Variants in RHPN1 observed in about 807,000 individuals in gnomAD.
The protein encoded by RHPN1 is rhophilin Rho GTPase binding protein 1, also known as rhophilin-1.
Under a neutral mutation model 74.7 loss-of-function variants are expected in RHPN1, and 77 were observed. The observed-to-expected ratio is 1.03, with a 90% confidence interval of 0.86 to 1.25. The LOEUF is 1.25. RHPN1 is among the 50% of genes most tolerant of loss of function. The pLI is 0.00. For synonymous variants in RHPN1, 444 were observed against 414.5 expected (o/e 1.07, Z -0.87); for missense variants, 987 against 932.2 (o/e 1.06, Z -0.77).
intron 2 of RHPN1, 54 bp from the exon 3 acceptor site, chr8:143,376,471 G>T: frequency 1.3e-6 from 2 of 1,599,014 alleles, no homozygotes; most frequent in Non-Finnish European, 1.7e-6. Context: ...AGTGGGCACG[G>T]GGCCTTTGGC....
At chr8:143,366,244 G>A (rs754978405), upstream of RHPN1, among the ~76,000 whole-genome samples, 7 of 151,970 alleles carry the variant, frequency 4.6e-5, no homozygotes, top group Admixed American at 1.3e-4. Flanking sequence ...TGCCCCTCCC[G>A]CCGCTGTCCA....
At position 143,376,581 on chromosome 8, in the gene RHPN1, A is replaced by G. The variant is rs761094411; in HGVS notation, c.233A>G (p.Asn78Ser). The G allele has an allele frequency of 4.3e-6, 7 of 1,609,436 alleles. No homozygotes were observed. Among genetic ancestry groups the G allele is most frequent in the East Asian group, 2.2e-5 (1 of 44,730 alleles). Residue 78 changes from asparagine (N) to serine (S), a missense_variant, in exon 3 of 15, where the codon AAC becomes AGC. Physicochemically the swap from Asn to Ser is conservative, Grantham distance 46. Transcript: ENST00000289013. ...GTCGCCCTGGAGCTGAGCTACGTCA[A>G]CTCCAACCTGCAGCTGCTGAAGGAG... ...ETVALELSYV[N>S]SNLQLLKEEL...
rs770112103 is a variant in RHPN1, at chr8:143,378,271, G to A, written c.384G>A (p.Glu128=). ...KELDWSTPLK[E]LISVHFGEDG... is the part of the protein sequence containing the mutation. ...TGCCAACACCTGCCCCCCATCAGGA[G>A]CTGATCTCAGTGCACTTTGGAGAGG... is the stretch of plus-strand genomic sequence containing the variant. Residue 128 remains glutamate (E), a splice_region_variant and synonymous_variant, in exon 5 of 15, where the codon GAG becomes GAA. Transcript: ENST00000289013. The A allele has an allele frequency of 1.3e-5, 21 of 1,570,580 alleles. 2 individuals carry two copies. In the Middle Eastern group the frequency reaches 6.7e-4, roughly 50 times the overall value.
Position 143,381,935 on chromosome 8 carries a change from G to A in RHPN1, c.1764G>A (p.Val588=). ...AGGCGGGCGCCAGCCTGCAGGTGGT[G>A]TCGCTGCTGCCCAGCTCTAGACTGC... ...AGEAGASLQV[V]SLLPSSRLPS... Residue 588 remains valine (V), a synonymous_variant, in exon 14 of 15, where the codon GTG becomes GTA. Transcript: ENST00000289013. The A allele has an allele frequency of 1.9e-6, 3 of 1,608,870 alleles. No individual in the cohort carries two copies. Among genetic ancestry groups the A allele is most frequent in the Non-Finnish European group, 2.5e-6 (3 of 1,178,346 alleles).
intron 4 of RHPN1, among the ~76,000 whole-genome samples, chr8:143,377,842 G>C (rs930762389): frequency 6.6e-6 from 1 of 152,214 alleles, no homozygotes; most frequent in African/African-American, 2.4e-5. Flanking sequence ...GAGGGTCCTG[G>C]GGAGAGCTAG....
chr8:143,376,353 C>G (rs1329237584), intron 2 of RHPN1, among the ~76,000 whole-genome samples, 172 bp from the exon 3 acceptor site: 1 of 152,224 alleles, frequency 6.6e-6, no homozygotes, highest in African/African-American at 2.4e-5. Flanking sequence ...TGTGAGCCCC[C>G]GGATCCCACT....
rs751834539 is a variant in RHPN1 at position 143,381,803 on chromosome 8, A to C, written c.1636-4A>C. On this transcript the variant is annotated splice_polypyrimidine_tract_variant and splice_region_variant and intron_variant, in intron 13 of 14. Coordinates refer to ENST00000289013, the MANE Select transcript of RHPN1 (RefSeq NM_052924.3). ...CCCACCTCACCGTCCAAGTCTCCCC[A>C]CAGGCGGCTGGCCTGAAGGAGGGCG... 6.2e-7 allele frequency: 1 copy of C among 1,611,736 alleles called. No individual in the cohort carries two copies. The highest frequency in any genetic ancestry group is 8.5e-7 in the Non-Finnish European group (1 of 1,179,274).
chr8:143,380,466 C>T lies in RHPN1; in HGVS notation c.1217-123C>T, dbSNP rs150023627. Reference sequence around the variant, plus strand: ...CACAGCCAGCTCCTCACCCCCGTGGCGCGCACCCCCAACGAAAGTGGCTGT... The same window carrying T: ...CACAGCCAGCTCCTCACCCCCGTGGTGCGCACCCCCAACGAAAGTGGCTGT... On this transcript the variant is annotated intron_variant, in intron 10 of 14. Transcript: ENST00000289013. The T allele has an allele frequency of 5.5e-3, 4,995 of 902,396 alleles. 14 individuals are homozygous for T. The highest frequency in any genetic ancestry group is 6.5e-3 in the Admixed American group (216 of 33,012). 55.9% of individuals were successfully genotyped at this position (902,396 alleles called of 1,614,324 possible).
rs1817694193 is a variant in RHPN1, at chr8:143,369,636, TG to T, written c.60+592del. Among the ~76,000 whole-genome samples, 3 of 152,168 alleles carry T rather than the reference TG, an allele frequency of 2.0e-5. No individual in the cohort carries two copies. The South Asian group carries it at 6.2e-4, about 31-fold the overall frequency. On this transcript the variant is annotated intron_variant, in intron 1 of 14. Transcript: ENST00000289013. ...TGTGGAGACCTGCTGAGTCTGTGCC[TG>T]GGAAGGAGGGGACGTCTGTGGGCCT...
intron 14 of RHPN1, 49 bp from the exon 15 acceptor site, chr8:143,382,387 G>A (rs1310678051): frequency 6.7e-7 from 1 of 1,502,096 alleles, no homozygotes; most frequent in South Asian, 1.2e-5. Flanking sequence ...CTGCAGGTGG[G>A]GACAGGCCAG....
In RHPN1 at chr8:143,380,136, C is replaced by G; in HGVS notation, c.1177C>G (p.Pro393Ala). Residue 393 changes from proline (P) to alanine (A), a missense_variant, in exon 10 of 15, where the codon CCT (proline) becomes GCT (alanine). By Grantham distance (27) the Pro-to-Ala change is conservative. Coordinates refer to ENST00000289013, the MANE Select transcript of RHPN1 (RefSeq NM_052924.3). The stretch of plus-strand genomic sequence containing the variant: ...CCCCACCTCCTCTAAGCCCCGAGGC[C>G]CTGTGCTGCCGCAGGAGCTGGAGGA... ...QPPTSSKPRGPVLPQELEERR... is the reference protein window; with the variant it reads ...QPPTSSKPRGAVLPQELEERR... 2 of 1,549,528 alleles carry G rather than the reference C, an allele frequency of 1.3e-6. No individual in the cohort carries two copies. Among genetic ancestry groups the G allele is most frequent in the Non-Finnish European group, 1.7e-6 (2 of 1,147,808 alleles).
Position 143,382,546 on chromosome 8 carries a change from C to T in RHPN1, c.1908C>T (p.Asn636=). Residue 636 remains asparagine, a synonymous_variant, in exon 15 of 15, where the codon AAC becomes AAT. Transcript: ENST00000289013. ...STWASPRPLL[N]WSRKAQQGKT... ...GGGCCAGTCCCCGGCCCCTCCTCAA[C>T]TGGAGCCGAAAGGCCCAGCAGGGCA... The T allele has an allele frequency of 6.2e-7, 1 of 1,611,616 alleles. No homozygotes were observed. The highest frequency in any genetic ancestry group is 8.5e-7 in the Non-Finnish European group (1 of 1,179,590).
Position 143,382,608 on chromosome 8 carries a change from A to G in RHPN1, c.1970A>G (p.Lys657Arg). ...TGCCCCCAGCCCTGTGCCCCAGTGA[A>G]GCCAGCTCCGCCCTCATCCTTGAAG... ...GGCPQPCAPV[K>R]PAPPSSLKHP... The change falls in exon 15 of 15, where the codon AAG becomes AGG. Residue 657 changes from lysine (K) to arginine (R), a missense_variant. Transcript: ENST00000289013. 6.2e-7 allele frequency: 1 copy of G among 1,610,886 alleles called. No homozygotes were observed. The highest frequency in any genetic ancestry group is 1.3e-5 in the African/African-American group (1 of 74,972).
At chr8:143,381,759 C>T in intron 13 of RHPN1, 41 bp downstream of exon 13, 1 of 1,605,214 alleles carries the variant, frequency 6.2e-7, no homozygotes, top group Non-Finnish European at 8.5e-7. Context: ...GTCCTTGGTG[C>T]CAGCCAGGGT....
At chr8:143,378,447 A>G in intron 5 of RHPN1, 101 bp downstream of exon 5, 1 of 1,093,872 alleles carries the variant, frequency 9.1e-7, no homozygotes, top group Admixed American at 2.0e-5. Context: ...CAGCGTAGAC[A>G]TCTCGAGGAC....
In RHPN1 at chr8:143,379,342, T is replaced by A. The variant is rs1030581688; in HGVS notation, c.779T>A (p.Phe260Tyr). The A allele has an allele frequency of 6.3e-7, 1 of 1,598,816 alleles. No homozygotes were observed. The highest frequency in any genetic ancestry group is 8.5e-7 in the Non-Finnish European group (1 of 1,171,348). ...AGAFSLLREN[F>Y]SHAPSPDMSA... ...GCCTTCAGCCTCCTGAGGGAGAACT[T>A]CTCCCATGCGCCGAGCCCAGACATG... Residue 260 changes from phenylalanine (F) to tyrosine (Y), a missense_variant, in exon 8 of 15, where the codon TTC becomes TAC. Physicochemically the swap from Phe to Tyr is conservative, Grantham distance 22 (BLOSUM62 3). Transcript: ENST00000289013.
chr8:143,367,814 C>T (rs950738608), upstream of RHPN1: 4 of 152,394 alleles, frequency 2.6e-5, no homozygotes, highest in East Asian at 7.7e-4. Context: ...GTGCCCTGGC[C>T]TTCCTGCTCT....
intron 1 of RHPN1, among the ~76,000 whole-genome samples, chr8:143,370,090 C>A (rs1164592622): frequency 6.6e-6 from 1 of 152,236 alleles, no homozygotes; most frequent in Non-Finnish European, 1.5e-5. Context: ...GGCGGCCATG[C>A]CTGCAGGTGG....
intron 9 of RHPN1, 27 bp downstream of exon 9, chr8:143,380,012 G>A: frequency 1.9e-6 from 3 of 1,551,662 alleles, no homozygotes; most frequent in Middle Eastern, 1.7e-4. Context: ...CTTGCCCATG[G>A]TACTGCCAAG....
Sources: allele counts gnomAD v4.1 joint callset (sites outside exome capture counted in the v4.1 genomes callset), GRCh38; gene constraint gnomAD v4.1.1; transcripts MANE v1.5; gene names NCBI Gene and HGNC (gene_info 2026-07-23, HGNC 2026-07-21).